The following PDE4D variants were observed in gnomAD, a reference collection of about 807,000 sequenced individuals.
PDE4D encodes phosphodiesterase 4D.
In PDE4D, 24 loss-of-function variants were observed where a neutral mutation model predicts 87.4. The observed-to-expected ratio is 0.27, with a 90% confidence interval of 0.20 to 0.39. PDE4D has a LOEUF of 0.39. Ranked by LOEUF, PDE4D falls within the 10% of genes least tolerant of loss-of-function variation. The pLI is 1.00. For missense variants in PDE4D, 714 were observed against 1,041.0 expected (o/e 0.69, Z 4.32); for synonymous variants, 384 against 383.2 (o/e 1.00, Z -0.02).
intron 2 of PDE4D, among the ~76,000 whole-genome samples, chr5:60,088,158 T>A (rs1300135806): frequency 6.6e-6 from 1 of 151,736 alleles, no homozygotes; most frequent in Non-Finnish European, 1.5e-5. Flanking sequence ...CCAGGAAAAC[T>A]ATCCTTTAAA....
chr5:60,308,485 A>G (rs540889505), intron 1 of PDE4D, among the ~76,000 whole-genome samples: 2 of 152,304 alleles, frequency 1.3e-5, no homozygotes, highest in South Asian at 2.1e-4. Flanking sequence ...GTCCAATTTT[A>G]AAAACCAATA....
Position 59,175,806 on chromosome 5 carries a change from T to TTTTTTC in PDE4D, c.808+4788_808+4789insGAAAAA, listed in dbSNP as rs1491338945. ...ATTTTTTTTTTTTTTTTTTTTTTTT[T>TTTTTTC]ACTTTAGGAGACAGGGTCTCATTAC... On this transcript the variant is annotated intron_variant, in intron 5 of 14. Coordinates refer to ENST00000340635, the MANE Select transcript of PDE4D (RefSeq NM_001104631.2). Among the ~76,000 whole-genome samples the TTTTTTC allele has an allele frequency of 4.5e-4, 40 of 87,916 alleles. 1 individual carries two copies. Among genetic ancestry groups the TTTTTTC allele is most frequent in the African/African-American group, 1.6e-3 (40 of 25,048 alleles). 57.7% of individuals were successfully genotyped at this position (87,916 alleles called of 152,430 possible). A position where few individuals can be genotyped will look rare whatever the true frequency, so the allele number is the denominator to read the frequency against.
chr5:59,317,272 A>G (rs954356129), intron 1 of PDE4D, among the ~76,000 whole-genome samples: 10 of 152,194 alleles, frequency 6.6e-5, no homozygotes, highest in African/African-American at 2.4e-4. Flanking sequence ...GGCCCTTCAG[A>G]AGCAGCTGCA....
intron 1 of PDE4D, among the ~76,000 whole-genome samples, chr5:59,653,824 C>G (rs2543987): frequency 0.69 from 103,189 of 149,414 alleles, 35,794 homozygotes; most frequent in East Asian, 0.89. Flanking sequence ...AAGGGAAAGA[C>G]AGGAGGGAAG....
intron 2 of PDE4D, among the ~76,000 whole-genome samples, chr5:60,138,176 T>C (rs1439001018): frequency 1.3e-5 from 2 of 152,192 alleles, no homozygotes; most frequent in Non-Finnish European, 2.9e-5. Flanking sequence ...CATGCTGTTT[T>C]GGTTACTGTA....
At chr5:60,060,701 T>C (rs1290128304) in intron 2 of PDE4D, among the ~76,000 whole-genome samples, 6 of 152,114 alleles carry the variant, frequency 3.9e-5, no homozygotes, top group Non-Finnish European at 8.8e-5. Context: ...CTATTAAATG[T>C]TTTTTGTTTT....
chr5:59,000,003 G>C (rs899555730), intron 6 of PDE4D: 13 of 737,176 alleles, frequency 1.8e-5, no homozygotes, highest in Non-Finnish European at 2.2e-5. Flanking sequence ...TTGCATTCCA[G>C]CTCTTAGCCT....
chr5:59,590,293 A>T (rs1825740302), intron 1 of PDE4D, among the ~76,000 whole-genome samples: 1 of 152,208 alleles, frequency 6.6e-6, no homozygotes, highest in Admixed American at 6.5e-5. Flanking sequence ...TCTAAAAACA[A>T]GTTGTCAAAA....
intron 1 of PDE4D, among the ~76,000 whole-genome samples, chr5:59,517,489 C>T (rs1405778303): frequency 6.6e-6 from 1 of 152,254 alleles, no homozygotes; most frequent in African/African-American, 2.4e-5. Context: ...ATTTGGGCCA[C>T]AGCTTCCTTA....
chr5:58,988,497 A>G lies in PDE4D; in HGVS notation c.1548T>C (p.Asn516=). The change falls in exon 11 of 15, where the codon AAT becomes AAC. Residue 516 remains asparagine, a synonymous_variant. Coordinates refer to ENST00000340635, the MANE Select transcript of PDE4D (RefSeq NM_001104631.2). ...HPGVSNQFLI[N]TNSELALMYN... is the part of the protein sequence containing the mutation. ...GAAAAAATAAAGTTTACTTACTTGT[A>G]TTGATCAGAAATTGATTGGACACAC... The G allele has an allele frequency of 7.2e-7, 1 of 1,397,108 alleles. No homozygotes were observed. Among genetic ancestry groups the G allele is most frequent in the South Asian group, 1.4e-5 (1 of 69,504 alleles). The allele number at this position is 1,397,108 out of a possible 1,614,324, so 86.5% of individuals were successfully genotyped here.
intron 5 of PDE4D, among the ~76,000 whole-genome samples, chr5:59,047,796 T>C (rs1030154383): frequency 3.9e-5 from 6 of 152,162 alleles, no homozygotes; most frequent in African/African-American, 1.4e-4. Flanking sequence ...AATTAGGTCA[T>C]GAGAATGGAG....
intron 1 of PDE4D, among the ~76,000 whole-genome samples, chr5:59,566,605 A>AG (rs1491107314): frequency 2.0e-5 from 3 of 151,466 alleles, no homozygotes; most frequent in South Asian, 2.1e-4. Context: ...AGAGAGAGAG[A>AG]AAGAGAATTT....
intron 1 of PDE4D, among the ~76,000 whole-genome samples, chr5:59,852,770 C>G (rs1744869389): frequency 6.6e-6 from 1 of 151,824 alleles, no homozygotes; most frequent in Admixed American, 6.6e-5. Flanking sequence ...AAAATTGAGT[C>G]CCCTCTCCAG....
chr5:60,353,671 G>A (rs1455723462), intron 1 of PDE4D, among the ~76,000 whole-genome samples: 1 of 152,124 alleles, frequency 6.6e-6, no homozygotes, highest in Non-Finnish European at 1.5e-5. Flanking sequence ...GCTTTCACAG[G>A]GCCAGGGGTA....
chr5:60,215,171 T>A (rs930313619), intron 1 of PDE4D, among the ~76,000 whole-genome samples: 6 of 152,166 alleles, frequency 3.9e-5, no homozygotes, highest in Non-Finnish European at 8.8e-5. Flanking sequence ...ACTGACAGAA[T>A]TTAGAATCAG....
At chr5:59,034,674 G>A (rs1184423161) in intron 6 of PDE4D, among the ~76,000 whole-genome samples, 2 of 152,152 alleles carry the variant, frequency 1.3e-5, no homozygotes, top group African/African-American at 4.8e-5. Context: ...AGAGAGGTTT[G>A]CCAAAAGCCA....
chr5:59,708,793 G>C (rs1038276650), intron 1 of PDE4D, among the ~76,000 whole-genome samples: 3 of 152,174 alleles, frequency 2.0e-5, no homozygotes. Flanking sequence ...TTTTGATAAA[G>C]AGGTATTACC....
At chr5:60,385,302 G>A (rs530935341) in intron 1 of PDE4D, among the ~76,000 whole-genome samples, 112 of 152,348 alleles carry the variant, frequency 7.4e-4, no homozygotes, top group South Asian at 3.1e-3. Context: ...GATCAGGTGA[G>A]ACTCAATGTC....
chr5:59,388,645 A>ACACACT (rs1199453026), intron 1 of PDE4D, among the ~76,000 whole-genome samples: 1 of 151,708 alleles, frequency 6.6e-6, no homozygotes, highest in Non-Finnish European at 1.5e-5. Flanking sequence ...ACACACACAC[A>ACACACT]CACTCACACA....
Sources: gnomAD v4.1 joint callset for allele counts (sites outside exome capture counted in the v4.1 genomes callset) on GRCh38, gnomAD v4.1.1 for gene constraint, MANE v1.5 for transcripts, NCBI Gene and HGNC (gene_info 2026-07-23, HGNC 2026-07-21) for gene names.